The following PLCB4 variants were observed in gnomAD, a reference collection of about 807,000 sequenced individuals.
The protein encoded by PLCB4 is 1-phosphatidylinositol 4,5-bisphosphate phosphodiesterase beta-4.
Under a neutral mutation model 178.8 loss-of-function variants are expected in PLCB4, and 77 were observed. That is an observed-to-expected ratio of 0.43 (90% confidence interval 0.36 to 0.52). The LOEUF is 0.52. Ranked by LOEUF, PLCB4 falls within the 20% of genes least tolerant of loss-of-function variation. PLCB4 has a pLI of 0.00. For missense variants in PLCB4, 1,024 were observed against 1,453.4 expected, an observed-to-expected ratio of 0.70 and a Z score of 4.80; for synonymous variants, 496 against 490.8, an observed-to-expected ratio of 1.01 and a Z score of -0.14.
chr20:9,173,633 G>A (rs893123942), intron 2 of PLCB4, among the ~76,000 whole-genome samples: 1 of 152,064 alleles, frequency 6.6e-6, no homozygotes, highest in Admixed American at 6.6e-5. Flanking sequence ...CCGTGACTAT[G>A]GCTGAATCCC....
intron 34 of PLCB4, among the ~76,000 whole-genome samples, chr20:9,459,279 G>C (rs1158453788): frequency 6.6e-6 from 1 of 152,190 alleles, no homozygotes; most frequent in Non-Finnish European, 1.5e-5. Context: ...AGGAGGTGGA[G>C]GTTGCAGTGA....
intron 3 of PLCB4, among the ~76,000 whole-genome samples, chr20:9,270,440 A>G (rs965838705): frequency 6.6e-6 from 1 of 152,140 alleles, no homozygotes; most frequent in African/African-American, 2.4e-5. Context: ...TACAATGTGT[A>G]TTGAATGTGA....
At chr20:9,211,040 G>C (rs1040977377) in intron 2 of PLCB4, among the ~76,000 whole-genome samples, 9 of 152,142 alleles carry the variant, frequency 5.9e-5, no homozygotes, top group African/African-American at 2.2e-4. Context: ...TCTAGGCATG[G>C]TATGATTTGG....
At chr20:9,195,183 T>C (rs1260754312) in intron 2 of PLCB4, among the ~76,000 whole-genome samples, 2 of 152,182 alleles carry the variant, frequency 1.3e-5, no homozygotes, top group African/African-American at 4.8e-5. Flanking sequence ...CCGCATATTC[T>C]TTTTAGCTTT....
At chr20:9,108,649 T>C (rs940216043) in intron 2 of PLCB4, among the ~76,000 whole-genome samples, 2 of 151,798 alleles carry the variant, frequency 1.3e-5, no homozygotes, top group Admixed American at 6.6e-5. Flanking sequence ...TTTTTTTTTT[T>C]CAAGAATGCC....
intron 28 of PLCB4, among the ~76,000 whole-genome samples, chr20:9,430,564 G>A (rs1298193691): frequency 6.6e-6 from 1 of 152,202 alleles, no homozygotes; most frequent in Non-Finnish European, 1.5e-5. Context: ...GTCTAGATTT[G>A]TTAATATTGG....
chr20:9,292,002 T>C (rs963092068), intron 3 of PLCB4, among the ~76,000 whole-genome samples: 1 of 152,212 alleles, frequency 6.6e-6, no homozygotes, highest in African/African-American at 2.4e-5. Flanking sequence ...ATACAAGGAA[T>C]TTTGATTAAA....
At position 9,244,686 on chromosome 20, in the gene PLCB4, ACT is replaced by A. The variant is rs554948429; in HGVS notation, c.-16+27235_-16+27236del. 9.2e-5 allele frequency among the ~76,000 whole-genome samples: 14 copies of A among 152,258 alleles called. No homozygotes were observed. The East Asian group carries it at 2.7e-3, about 29-fold the overall frequency. Reference sequence around the variant, plus strand: ...AGTTAAGTAAAGAGTGTTTAGGTGGACTTTTTTTGTTGTTTTGCTGAAAAGTT... The same window carrying A: ...AGTTAAGTAAAGAGTGTTTAGGTGGATTTTTTGTTGTTTTGCTGAAAAGTT... On this transcript the variant is annotated intron_variant, in intron 3 of 39. Transcript: ENST00000378473.
At chr20:9,301,365 AT>A (rs1334343386) in intron 3 of PLCB4, among the ~76,000 whole-genome samples, 7 of 151,904 alleles carry the variant, frequency 4.6e-5, no homozygotes, top group Non-Finnish European at 1.0e-4. Context: ...CGTGAGGCAC[AT>A]GTCCAGAGAC....
intron 21 of PLCB4, among the ~76,000 whole-genome samples, chr20:9,405,615 T>C (rs1351341921): frequency 1.3e-5 from 2 of 152,220 alleles, no homozygotes; most frequent in Non-Finnish European, 2.9e-5. Context: ...GAATAGGTCA[T>C]CAAATCCATA....
intron 3 of PLCB4, among the ~76,000 whole-genome samples, chr20:9,266,800 C>T (rs572379164): frequency 6.6e-6 from 1 of 152,092 alleles, no homozygotes; most frequent in African/African-American, 2.4e-5. Flanking sequence ...TGCTACATTT[C>T]TATATTTGTG....
chr20:9,353,403 T>G (rs1362846819), intron 7 of PLCB4, among the ~76,000 whole-genome samples: 1 of 152,210 alleles, frequency 6.6e-6, no homozygotes, highest in Admixed American at 6.5e-5. Flanking sequence ...CTTGTGACAC[T>G]AACACTTAGT....
chr20:9,098,647 T>G (rs1294955526), intron 2 of PLCB4, among the ~76,000 whole-genome samples: 1 of 150,850 alleles, frequency 6.6e-6, no homozygotes, highest in Non-Finnish European at 1.5e-5. Flanking sequence ...TATATATACG[T>G]ATATATGTTA....
At chr20:9,180,247 T>C (rs901077308) in intron 2 of PLCB4, among the ~76,000 whole-genome samples, 9 of 152,200 alleles carry the variant, frequency 5.9e-5, no homozygotes, top group Non-Finnish European at 1.5e-5. Flanking sequence ...GTAATTATTA[T>C]GGATAATAAA....
chr20:9,322,734 A>G (rs1762591910), intron 4 of PLCB4, among the ~76,000 whole-genome samples: 1 of 152,238 alleles, frequency 6.6e-6, no homozygotes, highest in Non-Finnish European at 1.5e-5. Context: ...GTTTGCAAAT[A>G]CAGAAAGGGT....
chr20:9,437,902 G>T (rs1266882594), intron 30 of PLCB4, among the ~76,000 whole-genome samples: 1 of 152,142 alleles, frequency 6.6e-6, no homozygotes. Context: ...AGAGAAAGAG[G>T]TCATTGCAGA....
intron 3 of PLCB4, among the ~76,000 whole-genome samples, chr20:9,250,616 C>T (rs528446227): frequency 1.2e-4 from 18 of 152,306 alleles, no homozygotes; most frequent in Middle Eastern, 3.4e-3. Flanking sequence ...GTAACGTAGG[C>T]AGGCATTATT....
Position 9,472,801 on chromosome 20 carries a change from A to G in PLCB4, c.3362A>G (p.Glu1121Gly). 1 of 1,598,162 alleles carries G rather than the reference A, an allele frequency of 6.3e-7. No individual in the cohort carries two copies. The highest frequency in any genetic ancestry group is 8.6e-7 in the Non-Finnish European group (1 of 1,169,406). Residue 1121 changes from glutamate to glycine, a missense_variant, in exon 37 of 40, where the codon GAG becomes GGG. Coordinates refer to ENST00000378473, the MANE Select transcript of PLCB4 (RefSeq NM_001377142.1). ...CCCATTGCTTTTAGGCGAGTCAGGGAGTTAAACAGCAGCAACACTAAAAAG... is the reference window on the plus strand; with the variant it reads ...CCCATTGCTTTTAGGCGAGTCAGGGGGTTAAACAGCAGCAACACTAAAAAG... ...NKAERERRVR[E>G]LNSSNTKKFL...
chr20:9,339,622 C>T lies in PLCB4; in HGVS notation c.369+585C>T, dbSNP rs145742390. On this transcript the variant is annotated intron_variant, in intron 7 of 39. Coordinates refer to ENST00000378473, the MANE Select transcript of PLCB4 (RefSeq NM_001377142.1). ...AGATCAATATAAAATTTATTAGTGA[C>T]ATATTTTACATTCTTTTGCTCATAC... Among the ~76,000 whole-genome samples, 693 of 152,156 alleles carry T rather than the reference C, an allele frequency of 4.6e-3. 5 individuals are homozygous for T. Among genetic ancestry groups the T allele is most frequent in the Non-Finnish European group, 8.3e-3 (565 of 68,004 alleles).
Sources: allele counts gnomAD v4.1 joint callset (sites outside exome capture counted in the v4.1 genomes callset), GRCh38; gene constraint gnomAD v4.1.1; transcripts MANE v1.5; gene names NCBI Gene and HGNC (gene_info 2026-07-23, HGNC 2026-07-21).